The following GRIA4 variants were observed in gnomAD, a reference collection of about 807,000 sequenced individuals.
GRIA4 encodes the protein glutamate receptor 4.
A neutral mutation model predicts 104.0 loss-of-function variants in GRIA4; 34 were observed. The ratio of observed to expected loss-of-function variants is 0.33; its 90% CI spans 0.25 to 0.44. The LOEUF (loss-of-function observed/expected upper bound fraction) is 0.44, where lower values mean the gene tolerates loss of function less well. Ranked by LOEUF, GRIA4 falls within the 20% of genes least tolerant of loss-of-function variation. The pLI, the probability that GRIA4 is intolerant of heterozygous loss-of-function variation, is 1.00. For synonymous variants in GRIA4, 386 were observed against 381.9 expected, an observed-to-expected ratio of 1.01 and a Z score of -0.13; for missense variants, 750 against 1,096.5, an observed-to-expected ratio of 0.68 and a Z score of 4.46.
At chr11:105,776,621 T>C (rs1006906521) in intron 4 of GRIA4, among the ~76,000 whole-genome samples, 3 of 152,122 alleles carry the variant, frequency 2.0e-5, no homozygotes, top group Non-Finnish European at 2.9e-5. Context: ...CAAACACATA[T>C]ATCTCAGATC....
chr11:105,876,354 T>C (rs2136066266), intron 5 of GRIA4, among the ~76,000 whole-genome samples: 1 of 152,266 alleles, frequency 6.6e-6, no homozygotes, highest in East Asian at 1.9e-4. Context: ...AGTTTTAGAA[T>C]AAGTGTGAGG....
chr11:105,822,239 A>C (rs1275581471), intron 4 of GRIA4, among the ~76,000 whole-genome samples: 1 of 152,138 alleles, frequency 6.6e-6, no homozygotes, highest in African/African-American at 2.4e-5. Flanking sequence ...AAAGACATAT[A>C]GCTAGGAGTG....
At chr11:105,688,747 A>G (rs973803192) in intron 3 of GRIA4, among the ~76,000 whole-genome samples, 1 of 152,154 alleles carries the variant, frequency 6.6e-6, no homozygotes, top group Non-Finnish European at 1.5e-5. Context: ...CATTCCTTCA[A>G]CATAGCTGTC....
At chr11:105,645,523 T>C (rs889545638) in intron 3 of GRIA4, among the ~76,000 whole-genome samples, 5 of 152,176 alleles carry the variant, frequency 3.3e-5, no homozygotes, top group Non-Finnish European at 7.3e-5. Flanking sequence ...AACACTATTT[T>C]GGGGCAATTA....
At chr11:105,904,032 C>T (rs1946957009) in intron 8 of GRIA4, 51 bp downstream of exon 8, 2 of 1,278,134 alleles carry the variant, frequency 1.6e-6, no homozygotes, top group Admixed American at 2.1e-5. Context: ...CTTGTTTTAA[C>T]TGAATGTTCA....
At chr11:105,786,729 C>A (rs550390698) in intron 4 of GRIA4, among the ~76,000 whole-genome samples, 1 of 152,026 alleles carries the variant, frequency 6.6e-6, no homozygotes, top group African/African-American at 2.4e-5. Flanking sequence ...AGCTTAAAAG[C>A]GATTTTGCTA....
At chr11:105,880,274 G>A (rs1343302797) in intron 5 of GRIA4, among the ~76,000 whole-genome samples, 4 of 152,198 alleles carry the variant, frequency 2.6e-5, no homozygotes, top group African/African-American at 9.7e-5. Flanking sequence ...TAGTTGAGAT[G>A]ATGAGAATCT....
intron 3 of GRIA4, among the ~76,000 whole-genome samples, chr11:105,685,773 C>T (rs1355437331): frequency 1.3e-5 from 2 of 151,886 alleles, no homozygotes; most frequent in African/African-American, 4.8e-5. Context: ...ATAGGGGAAA[C>T]ATTAACCTGG....
chr11:105,901,506 T>C (rs1346643382), intron 7 of GRIA4, among the ~76,000 whole-genome samples: 1 of 152,220 alleles, frequency 6.6e-6, no homozygotes, highest in Non-Finnish European at 1.5e-5. Context: ...AAGAATATTC[T>C]AGGTGCCACC....
chr11:105,882,781 G>A (rs779471134), intron 5 of GRIA4, among the ~76,000 whole-genome samples: 5 of 152,158 alleles, frequency 3.3e-5, no homozygotes, highest in Middle Eastern at 3.4e-3. Flanking sequence ...AGCCTTAATC[G>A]TATAGGTAGG....
intron 3 of GRIA4, among the ~76,000 whole-genome samples, chr11:105,696,204 T>C (rs1424486095): frequency 6.6e-6 from 1 of 152,182 alleles, no homozygotes; most frequent in Admixed American, 6.5e-5. Flanking sequence ...TCTTTCAAGC[T>C]TCCCCTGAGC....
chr11:105,813,883 T>C (rs956006540), intron 4 of GRIA4, among the ~76,000 whole-genome samples: 1 of 151,950 alleles, frequency 6.6e-6, no homozygotes, highest in South Asian at 2.1e-4. Context: ...ACAAACTCTG[T>C]CTCATGAGAG....
At chr11:105,904,354 G>A (rs1328378440) in intron 8 of GRIA4, among the ~76,000 whole-genome samples, 2 of 152,172 alleles carry the variant, frequency 1.3e-5, no homozygotes, top group Non-Finnish European at 2.9e-5. Flanking sequence ...TCTGCAAAGG[G>A]AAATGGATAG....
intron 3 of GRIA4, among the ~76,000 whole-genome samples, chr11:105,727,647 A>G (rs1938302195): frequency 6.6e-6 from 1 of 152,202 alleles, no homozygotes; most frequent in African/African-American, 2.4e-5. Context: ...TCGCCCACAA[A>G]GGGAAGCCCA....
chr11:105,738,935 A>C (rs563024501), intron 3 of GRIA4, among the ~76,000 whole-genome samples: 111 of 117,878 alleles, frequency 9.4e-4, no homozygotes, highest in African/African-American at 2.5e-3. Context: ...AAAAACAAAA[A>C]AAAAAAAAAC....
In GRIA4 at chr11:105,926,846, G is replaced by T; in HGVS notation, c.1953G>T (p.Met651Ile). 6.2e-7 allele frequency: 1 copy of T among 1,610,552 alleles called. No individual in the cohort carries two copies. Among genetic ancestry groups the T allele is most frequent in the South Asian group, 1.1e-5 (1 of 91,006 alleles). Reference protein sequence around the residue: ...NLAAFLTVERMVSPIESAEDL... With the variant: ...NLAAFLTVERIVSPIESAEDL... ...CTGCTTTCCTGACGGTTGAGCGAAT[G>T]GTCTCTCCCATAGAAAGTGCAGAAG... is the stretch of plus-strand genomic sequence containing the variant. The change falls in exon 13 of 17, where the codon ATG becomes ATT. Residue 651 changes from methionine (M) to isoleucine (I), a missense_variant. Transcript: ENST00000282499.
chr11:105,831,346 C>T (rs1320402387), intron 4 of GRIA4, among the ~76,000 whole-genome samples: 1 of 151,990 alleles, frequency 6.6e-6, no homozygotes, highest in Non-Finnish European at 1.5e-5. Flanking sequence ...TTGCATCTCT[C>T]TTAGCTCCAT....
intron 6 of GRIA4, among the ~76,000 whole-genome samples, chr11:105,896,115 T>C (rs1946640961): frequency 6.6e-6 from 1 of 152,214 alleles, no homozygotes. Context: ...TTTTAAATAA[T>C]AGCCATTCTG....
At chr11:105,752,871 G>A (rs1940085559) in intron 3 of GRIA4, 110 bp from the exon 4 acceptor site, 2 of 972,582 alleles carry the variant, frequency 2.1e-6, no homozygotes, top group Non-Finnish European at 3.1e-6. Context: ...ACTCCTGACA[G>A]ATCCAATGAT....
Sources: allele counts gnomAD v4.1 joint callset (sites outside exome capture counted in the v4.1 genomes callset), GRCh38; gene constraint gnomAD v4.1.1; transcripts MANE v1.5; gene names NCBI Gene and HGNC (gene_info 2026-07-23, HGNC 2026-07-21).